The following TNR variants were observed in gnomAD, a reference collection of about 807,000 sequenced individuals.
TNR encodes tenascin R, also known as tenascin-R.
TNR carries 45 observed loss-of-function variants against 150.4 expected under a neutral mutation model. The ratio of observed to expected loss-of-function variants is 0.30; its 90% CI spans 0.24 to 0.38. The LOEUF (loss-of-function observed/expected upper bound fraction) is 0.38, where lower values mean the gene tolerates loss of function less well. Among genes scored for constraint, TNR ranks in the 10% least tolerant of loss-of-function variants. The probability of loss-of-function intolerance (pLI) is 1.00; values close to 1 mark genes in which losing one functional copy is unlikely to be tolerated. For synonymous variants in TNR, 687 were observed against 678.4 expected (o/e 1.01, Z -0.20); for missense variants, 1,544 against 1,759.1 (o/e 0.88, Z 2.19).
chr1:175,466,151 A>G (rs760981424), intron 2 of TNR, among the ~76,000 whole-genome samples: 1 of 152,138 alleles, frequency 6.6e-6, no homozygotes, highest in Non-Finnish European at 1.5e-5. Context: ...CCTCAAAACA[A>G]TCCTGTGAAT....
intron 1 of TNR, among the ~76,000 whole-genome samples, chr1:175,683,978 C>A (rs1666113996): frequency 6.6e-6 from 1 of 152,154 alleles, no homozygotes; most frequent in South Asian, 2.1e-4. Context: ...AGGGAGCCAG[C>A]CTGCTCCGGG....
intron 1 of TNR, among the ~76,000 whole-genome samples, chr1:175,538,412 A>G (rs1265481834): frequency 6.6e-6 from 1 of 152,360 alleles, no homozygotes; most frequent in African/African-American, 2.4e-5. Context: ...ATAAGAGATT[A>G]ATCCAACGTG....
intron 1 of TNR, among the ~76,000 whole-genome samples, chr1:175,711,219 G>A (rs1667004919): frequency 6.6e-6 from 1 of 152,130 alleles, no homozygotes; most frequent in African/African-American, 2.4e-5. Flanking sequence ...GGGAGTGCTG[G>A]GGGTGTGATT....
chr1:175,686,014 A>G (rs1360680257), intron 1 of TNR, among the ~76,000 whole-genome samples: 1 of 152,104 alleles, frequency 6.6e-6, no homozygotes, highest in Non-Finnish European at 1.5e-5. Context: ...TTCTACCACC[A>G]GGCTTGAGAC....
intron 4 of TNR, among the ~76,000 whole-genome samples, chr1:175,402,173 G>A (rs1218503605): frequency 6.6e-6 from 1 of 151,486 alleles, no homozygotes; most frequent in Non-Finnish European, 1.5e-5. Context: ...CGGGCGCGGT[G>A]GTGGGCGCCT....
At position 175,403,281 on chromosome 1, in the gene TNR, C is replaced by A. The variant is rs751249645; in HGVS notation, c.835G>T (p.Gly279Cys). ...TAGCCCTCCTCGCATAAACAGGTAC[C>A]GTTGGCACATCTCCCCTTCCCCGAA... ...DCSGKGRCANGTCLCEEGYVG... is the reference protein window; with the variant it reads ...DCSGKGRCANCTCLCEEGYVG... The change falls in exon 4 of 23, where the codon GGT becomes TGT. Residue 279 changes from glycine to cysteine, a missense_variant. Transcript: ENST00000367674. 3 of 1,614,164 alleles carry A rather than the reference C, an allele frequency of 1.9e-6. No homozygotes were observed.
chr1:175,445,933 T>C (rs1656029411), intron 2 of TNR, among the ~76,000 whole-genome samples: 1 of 152,234 alleles, frequency 6.6e-6, no homozygotes, highest in Non-Finnish European at 1.5e-5. Flanking sequence ...CTGGACGATA[T>C]AATTTCATTC....
In TNR at chr1:175,523,552, C is replaced by A. The variant is rs1396166350; in HGVS notation, c.-64+4717G>T. ...AAGCACAGTAAGAAAAAGTACAATA[C>A]GTGCTCTGAGGGTTTAGTGCAGAAG... is the stretch of plus-strand genomic sequence containing the variant. On this transcript the variant is annotated intron_variant, in intron 2 of 22. Transcript: ENST00000367674. Among the ~76,000 whole-genome samples, 4 of 152,316 alleles carry A rather than the reference C, an allele frequency of 2.6e-5. 1 individual carries two copies. The highest frequency in any genetic ancestry group is 9.6e-5 in the African/African-American group (4 of 41,566).
At chr1:175,608,727 GAAATCAAACCCCAAA>G (rs1663492629) in intron 1 of TNR, among the ~76,000 whole-genome samples, 1 of 152,170 alleles carries the variant, frequency 6.6e-6, no homozygotes, top group Non-Finnish European at 1.5e-5. Context: ...AGATTAAGAG[GAAATCAAACCCCAAA>G]GCCTTGTACG....
chr1:175,336,109 C>A (rs1285461087), intron 19 of TNR, among the ~76,000 whole-genome samples: 1 of 152,188 alleles, frequency 6.6e-6, no homozygotes, highest in Non-Finnish European at 1.5e-5. Flanking sequence ...ACATATCAAG[C>A]CCTAAATATC....
intron 2 of TNR, among the ~76,000 whole-genome samples, chr1:175,481,717 C>T (rs752160756): frequency 7.9e-5 from 12 of 152,074 alleles, no homozygotes; most frequent in Non-Finnish European, 1.5e-4. Flanking sequence ...TTTTGTGTGC[C>T]TTTCTGATGG....
At chr1:175,559,160 A>C (rs1027476471) in intron 1 of TNR, among the ~76,000 whole-genome samples, 1 of 152,240 alleles carries the variant, frequency 6.6e-6, no homozygotes, top group Non-Finnish European at 1.5e-5. Flanking sequence ...ATGGGGAATG[A>C]AGAGAAACTA....
chr1:175,472,163 AAC>A (rs1229657351), intron 2 of TNR, among the ~76,000 whole-genome samples: 2 of 152,230 alleles, frequency 1.3e-5, no homozygotes, highest in East Asian at 3.9e-4. Flanking sequence ...CAAAGGCATG[AAC>A]ACACAGATTA....
intron 1 of TNR, among the ~76,000 whole-genome samples, chr1:175,673,196 C>T (rs977670463): frequency 2.6e-5 from 4 of 152,324 alleles, no homozygotes; most frequent in East Asian, 1.9e-4. Flanking sequence ...CAGAATGGGA[C>T]GTTTCTTTCC....
chr1:175,670,821 G>A (rs376878111), intron 1 of TNR, among the ~76,000 whole-genome samples: 1 of 129,436 alleles, frequency 7.7e-6, no homozygotes, highest in African/African-American at 3.2e-5. Flanking sequence ...ATTATCAAAC[G>A]CTTATACCCT....
chr1:175,378,301 G>C (rs1212318672), intron 9 of TNR, among the ~76,000 whole-genome samples: 1 of 122,642 alleles, frequency 8.2e-6, no homozygotes, highest in African/African-American at 3.6e-5. Flanking sequence ...AACTTCTGCA[G>C]CTTCATTCAT....
intron 1 of TNR, among the ~76,000 whole-genome samples, chr1:175,709,007 T>A (rs1349920103): frequency 2.1e-5 from 3 of 140,092 alleles, no homozygotes. Context: ...TATCATGTAA[T>A]CCTCACGACA....
intron 1 of TNR, among the ~76,000 whole-genome samples, chr1:175,535,044 TA>T (rs1333890366): frequency 1.3e-5 from 2 of 152,208 alleles, no homozygotes; most frequent in Admixed American, 1.3e-4. Flanking sequence ...GTGAGTCAAT[TA>T]AACCTCTTTC....
intron 21 of TNR, 43 bp downstream of exon 21, chr1:175,330,031 C>A: frequency 1.4e-6 from 2 of 1,462,360 alleles, no homozygotes; most frequent in South Asian, 1.5e-5. Flanking sequence ...GGCTCTTGTC[C>A]CATGCCCACT....
Sources: gnomAD v4.1 joint callset for allele counts (sites outside exome capture counted in the v4.1 genomes callset) on GRCh38, gnomAD v4.1.1 for gene constraint, MANE v1.5 for transcripts, NCBI Gene and HGNC (gene_info 2026-07-23, HGNC 2026-07-21) for gene names.